The following NEDD9 variants were observed in gnomAD, a reference collection of about 807,000 sequenced individuals.
The protein encoded by NEDD9 is enhancer of filamentation 1.
Under a neutral mutation model 76.6 loss-of-function variants are expected in NEDD9, and 26 were observed. The observed-to-expected ratio is 0.34, with a 90% CI of 0.25 to 0.47. NEDD9 has a LOEUF of 0.47. Ranked by LOEUF, NEDD9 falls within the 20% of genes least tolerant of loss-of-function variation. The pLI is 1.00. For missense variants in NEDD9, 937 were observed against 1,058.5 expected, an observed-to-expected ratio of 0.89 and a Z score of 1.59; for synonymous variants, 392 against 414.2, an observed-to-expected ratio of 0.95 and a Z score of 0.65.
chr6:11,241,580 C>T lies in NEDD9; in HGVS notation c.13-27853G>A, dbSNP rs894911295. On this transcript the variant is annotated intron_variant, in intron 3 of 3. Coordinates refer to the NEDD9 transcript ENST00000397378. This position sits in a 1 kb window ranked among gnomAD's most constrained non-coding sequence, Gnocchi z 4.0. ...ACTGGCCTCCGGAAGCCATCTTCCA[C>T]ACCAGCCATCCAGCATAGCTCCGGG... is the stretch of plus-strand genomic sequence containing the variant. Among the ~76,000 whole-genome samples the T allele has an allele frequency of 6.6e-6, 1 of 152,186 alleles. No individual in the cohort carries two copies. The highest frequency in any genetic ancestry group is 1.5e-5 in the Non-Finnish European group (1 of 68,024).
chr6:11,195,937 T>C (rs1014749132), intron 2 of NEDD9, among the ~76,000 whole-genome samples: 9 of 152,044 alleles, frequency 5.9e-5, no homozygotes, highest in Non-Finnish European at 1.2e-4. Context: ...GAGGTTGCAG[T>C]GGGCTGAGAT....
chr6:11,258,964 AG>A (rs1390993211), intron 3 of NEDD9: 1 of 152,316 alleles, frequency 6.6e-6, no homozygotes, highest in African/African-American at 2.4e-5. Context: ...GGCAGGACTG[AG>A]GGGGACCTGG....
rs535751163 is a variant in NEDD9, at chr6:11,356,575, T to C, written c.-213-22014A>G. 1.6e-4 allele frequency among the ~76,000 whole-genome samples: 24 copies of C among 152,040 alleles called. No homozygotes were observed. The South Asian group carries it at 4.8e-3, about 30-fold the overall frequency. On this transcript the variant is annotated intron_variant, in intron 1 of 3. Transcript: ENST00000397378. ...AGATGGCTGGGCACCACCCCCAGGG[T>C]TTCTGTTTCAGTAAGGCTGGGCGGG... is the stretch of plus-strand genomic sequence containing the variant.
chr6:11,238,566 C>T lies in NEDD9; in HGVS notation c.13-24839G>A, dbSNP rs76888156. 5.1e-3 allele frequency among the ~76,000 whole-genome samples: 776 copies of T among 152,296 alleles called. 7 individuals carry two copies. The highest frequency in any genetic ancestry group is 0.017 in the African/African-American group (714 of 41,570). ...ACTCACGTGCACGTTGGAGCCTGTG[C>T]GTATGTAGTTCTTCTTTCATCACTC... On this transcript the variant is annotated intron_variant, in intron 3 of 3. Transcript: ENST00000397378.
chr6:11,192,422 C>T lies in NEDD9; in HGVS notation c.586G>A (p.Ala196Thr), dbSNP rs757890579. The change falls in exon 4 of 7, where the codon GCA (alanine) becomes ACA (threonine). Residue 196 changes from alanine to threonine, a missense_variant. Transcript: ENST00000379446. ...GGAACTGAAAACACAGGGCCTTTTG[C>T]TGATGAGGGAGGGATGTCGTATACC... ...QGVYDIPPSSAKGPVFSVPVG... is the reference protein window; with the variant it reads ...QGVYDIPPSSTKGPVFSVPVG... The T allele has an allele frequency of 6.2e-6, 10 of 1,610,586 alleles. No individual in the cohort carries two copies. The highest frequency in any genetic ancestry group is 8.5e-6 in the Non-Finnish European group (10 of 1,178,916).
intron 2 of NEDD9, among the ~76,000 whole-genome samples, chr6:11,197,100 A>G (rs1758312382): frequency 6.6e-6 from 1 of 152,146 alleles, no homozygotes; most frequent in African/African-American, 2.4e-5. Context: ...ACGCACACCA[A>G]GGTCTGGTTA....
At chr6:11,311,394 C>G (rs1332281229) in intron 2 of NEDD9, among the ~76,000 whole-genome samples, 2 of 152,188 alleles carry the variant, frequency 1.3e-5, no homozygotes, top group South Asian at 4.1e-4. Context: ...ACAGCCCTCT[C>G]AAGCCACCAA....
At chr6:11,206,145 G>A (rs1434142547) in intron 2 of NEDD9, among the ~76,000 whole-genome samples, 1 of 152,138 alleles carries the variant, frequency 6.6e-6, no homozygotes. Flanking sequence ...CAGGCCGGGC[G>A]TGATGGCTCA....
At chr6:11,286,597 C>T (rs531562069) in intron 3 of NEDD9, among the ~76,000 whole-genome samples, 5 of 152,334 alleles carry the variant, frequency 3.3e-5, no homozygotes, top group African/African-American at 1.2e-4. Flanking sequence ...TGGATAAACA[C>T]ACTGTGGTCC....
chr6:11,257,055 A>C (rs1009413634), intron 3 of NEDD9, among the ~76,000 whole-genome samples: 1 of 152,230 alleles, frequency 6.6e-6, no homozygotes, highest in African/African-American at 2.4e-5. Flanking sequence ...CAGGCCCTGG[A>C]AAAATGTAAA....
At chr6:11,296,545 G>C (rs901807471) in intron 3 of NEDD9, among the ~76,000 whole-genome samples, 1 of 152,120 alleles carries the variant, frequency 6.6e-6, no homozygotes. Context: ...GTAAATACAC[G>C]GTGTGGATAA....
chr6:11,359,985 A>T (rs548894698), intron 1 of NEDD9, among the ~76,000 whole-genome samples: 1 of 152,360 alleles, frequency 6.6e-6, no homozygotes, highest in South Asian at 2.1e-4. Flanking sequence ...ATATCATGAA[A>T]GGAGGATGTT....
intron 3 of NEDD9, among the ~76,000 whole-genome samples, chr6:11,275,320 G>T (rs1455684163): frequency 6.6e-6 from 1 of 152,160 alleles, no homozygotes; most frequent in Non-Finnish European, 1.5e-5. Flanking sequence ...AGTAAGTTCA[G>T]AGAATCTATT....
intron 1 of NEDD9, chr6:11,214,105 A>T: frequency 2.1e-6 from 1 of 467,002 alleles, no homozygotes; most frequent in Non-Finnish European, 4.2e-6. Context: ...AGATATTCAG[A>T]TGTTCGACAA....
chr6:11,307,048 A>G (rs1761205250), intron 2 of NEDD9, among the ~76,000 whole-genome samples: 1 of 152,212 alleles, frequency 6.6e-6, no homozygotes, highest in Admixed American at 6.5e-5. Context: ...CTTTTTGAGA[A>G]TTGGTAATGT....
At chr6:11,331,302 A>G (rs2113500062) in intron 2 of NEDD9, among the ~76,000 whole-genome samples, 1 of 136,118 alleles carries the variant, frequency 7.3e-6, no homozygotes, top group Non-Finnish European at 1.6e-5. Flanking sequence ...AGAGAGATGT[A>G]GGGCTGAGAG....
chr6:11,209,490 G>T (rs146554181), intron 2 of NEDD9, among the ~76,000 whole-genome samples: 5 of 152,182 alleles, frequency 3.3e-5, no homozygotes, highest in Non-Finnish European at 7.4e-5. Flanking sequence ...TTGTACCTTC[G>T]GTGTGTCGTA....
intron 2 of NEDD9, among the ~76,000 whole-genome samples, chr6:11,322,179 G>T (rs1202478529): frequency 6.6e-6 from 1 of 152,134 alleles, no homozygotes; most frequent in East Asian, 1.9e-4. Flanking sequence ...CCTGTTGGTG[G>T]GCCGGGGGCA....
intron 3 of NEDD9, among the ~76,000 whole-genome samples, chr6:11,287,447 A>T (rs9468799): frequency 0.047 from 7,214 of 152,066 alleles, 563 homozygotes; most frequent in African/African-American, 0.17. Flanking sequence ...CAAAACAAAA[A>T]CCAAGTAGTT....
Sources: allele counts gnomAD v4.1 joint callset (sites outside exome capture counted in the v4.1 genomes callset), GRCh38; gene constraint gnomAD v4.1.1; non-coding constraint Gnocchi (gnomAD v3.1); transcripts MANE v1.5; gene names NCBI Gene and HGNC (gene_info 2026-07-23, HGNC 2026-07-21).